Variants in AGBL4 observed in about 807,000 individuals in gnomAD.
AGBL4 encodes cytosolic carboxypeptidase 6.
AGBL4 carries 58 observed loss-of-function variants against 66.4 expected under a neutral mutation model. That is an observed-to-expected ratio of 0.87 (90% CI 0.71 to 1.09). The LOEUF is 1.09. Ranked by LOEUF, AGBL4 falls within the 50% of genes least tolerant of loss-of-function variation. The pLI, the probability that AGBL4 is intolerant of heterozygous loss-of-function variation, is 0.00. For synonymous variants in AGBL4, 234 were observed against 222.9 expected (o/e 1.05, Z -0.44); for missense variants, 579 against 631.0 (o/e 0.92, Z 0.88).
At position 48,623,604 on chromosome 1, in the gene AGBL4, T is replaced by G. The variant is rs546908199; in HGVS notation, c.951+10889A>C. The stretch of plus-strand genomic sequence containing the variant: ...TTCTGAAGTGCAATATGCTATTTGA[T>G]GTACCACAGTGAATTTGTCTTGGGC... On this transcript the variant is annotated intron_variant, in intron 9 of 13. Coordinates refer to ENST00000371839, the MANE Select transcript of AGBL4 (RefSeq NM_032785.4). Among the ~76,000 whole-genome samples, 9 of 152,388 alleles carry G rather than the reference T, an allele frequency of 5.9e-5. No individual in the cohort carries two copies. In the South Asian group the frequency reaches 1.9e-3, roughly 32 times the overall value.
At chr1:49,235,393 T>G (rs752341287) in intron 4 of AGBL4, among the ~76,000 whole-genome samples, 9 of 152,244 alleles carry the variant, frequency 5.9e-5, no homozygotes, top group Admixed American at 3.3e-4. Context: ...GACCATTTGA[T>G]GGCAAAGTCA....
intron 3 of AGBL4, among the ~76,000 whole-genome samples, chr1:49,352,135 AG>A (rs1643922757): frequency 6.6e-6 from 1 of 152,138 alleles, no homozygotes; most frequent in Admixed American, 6.5e-5. Flanking sequence ...CACCCATTCC[AG>A]GAGGTCTTCA....
chr1:49,705,737 G>GTT (rs569805129), intron 2 of AGBL4, among the ~76,000 whole-genome samples: 1 of 147,534 alleles, frequency 6.8e-6, no homozygotes, highest in South Asian at 2.2e-4. Context: ...TTTATTGAGT[G>GTT]TTTTTTTTTT....
intron 2 of AGBL4, among the ~76,000 whole-genome samples, chr1:49,722,673 T>TGA (rs1648700624): frequency 6.6e-6 from 1 of 152,150 alleles, no homozygotes; most frequent in Non-Finnish European, 1.5e-5. Context: ...GATTTTACAT[T>TGA]GATTGAATGG....
intron 2 of AGBL4, among the ~76,000 whole-genome samples, chr1:49,791,940 T>C (rs1279797570): frequency 2.6e-5 from 4 of 152,108 alleles, no homozygotes; most frequent in Non-Finnish European, 4.4e-5. Context: ...CCTAGCATTA[T>C]GTCTGAAATA....
intron 6 of AGBL4, among the ~76,000 whole-genome samples, chr1:48,689,421 CTTCCTTTCTTCT>C (rs1646591376): frequency 6.7e-6 from 1 of 149,930 alleles, no homozygotes; most frequent in African/African-American, 2.5e-5. Context: ...TCCTTCCTTC[CTTCCTTTCTTCT>C]TTCCTTCCCT....
At chr1:49,817,351 G>T (rs968814018) in intron 2 of AGBL4, among the ~76,000 whole-genome samples, 3 of 152,188 alleles carry the variant, frequency 2.0e-5, no homozygotes, top group African/African-American at 7.2e-5. Context: ...CATGGAAGAA[G>T]AGATTGCCTA....
intron 6 of AGBL4, among the ~76,000 whole-genome samples, chr1:48,674,744 G>T (rs1189732787): frequency 6.6e-6 from 1 of 152,090 alleles, no homozygotes; most frequent in East Asian, 1.9e-4. Flanking sequence ...TAATAACGGT[G>T]CTTGTCACAT....
intron 7 of AGBL4, among the ~76,000 whole-genome samples, chr1:48,659,050 C>T (rs1426198786): frequency 2.0e-5 from 3 of 152,174 alleles, no homozygotes; most frequent in African/African-American, 7.2e-5. Flanking sequence ...CCACCACCAA[C>T]TTACCAGGTG....
chr1:49,140,006 C>T (rs892339308), intron 4 of AGBL4, among the ~76,000 whole-genome samples: 8 of 152,118 alleles, frequency 5.3e-5, no homozygotes, highest in African/African-American at 1.9e-4. Context: ...AAATCTGTTT[C>T]TTGAATAAAT....
At chr1:49,628,880 T>A (rs1285317770) in intron 3 of AGBL4, among the ~76,000 whole-genome samples, 1 of 152,200 alleles carries the variant, frequency 6.6e-6, no homozygotes, top group Non-Finnish European at 1.5e-5. Flanking sequence ...CTGCCTGCTA[T>A]GTTCCCGAGG....
chr1:48,970,102 A>T (rs1658784418), intron 5 of AGBL4, among the ~76,000 whole-genome samples: 1 of 152,188 alleles, frequency 6.6e-6, no homozygotes, highest in Non-Finnish European at 1.5e-5. Flanking sequence ...GTGTGACTCC[A>T]TATCCTGTTC....
At chr1:49,258,171 A>C (rs1179239747) in intron 3 of AGBL4, among the ~76,000 whole-genome samples, 2 of 152,196 alleles carry the variant, frequency 1.3e-5, no homozygotes, top group African/African-American at 4.8e-5. Flanking sequence ...ACCATCACCA[A>C]AGACCAAAAG....
intron 3 of AGBL4, among the ~76,000 whole-genome samples, chr1:49,336,892 ATAGTATC>A (rs761149026): frequency 7.9e-5 from 12 of 152,198 alleles, no homozygotes; most frequent in Admixed American, 4.6e-4. Flanking sequence ...AATGAGGATG[ATAGTATC>A]TACCTCATAA....
chr1:49,166,813 A>C (rs1470209867), intron 4 of AGBL4, among the ~76,000 whole-genome samples: 1 of 152,180 alleles, frequency 6.6e-6, no homozygotes, highest in Non-Finnish European at 1.5e-5. Flanking sequence ...TTACACCCAG[A>C]ATCTTAGCCT....
chr1:48,846,409 G>GAAAT (rs1401577936), intron 6 of AGBL4, among the ~76,000 whole-genome samples: 3 of 145,498 alleles, frequency 2.1e-5, no homozygotes, highest in South Asian at 2.1e-4. Context: ...AAGAAAGAAA[G>GAAAT]AAAGAAAGAA....
intron 6 of AGBL4, among the ~76,000 whole-genome samples, chr1:48,828,062 G>T (rs957012806): frequency 6.7e-6 from 1 of 149,208 alleles, no homozygotes; most frequent in Non-Finnish European, 1.5e-5. Context: ...CGGGCATGGT[G>T]GTATGCACCT....
chr1:49,995,308 G>A (rs1025047295), intron 1 of AGBL4: 47 of 454,224 alleles, frequency 1.0e-4, no homozygotes, highest in African/African-American at 8.6e-4. Flanking sequence ...GTGCTATTGG[G>A]GTGCACAGTG....
intron 3 of AGBL4, among the ~76,000 whole-genome samples, chr1:49,307,336 C>CAAAAACA (rs1644865408): frequency 6.6e-6 from 1 of 151,932 alleles, no homozygotes; most frequent in South Asian, 2.1e-4. Context: ...AAAACAAAAA[C>CAAAAACA]AAAAACAAAA....
Sources: allele counts gnomAD v4.1 joint callset (sites outside exome capture counted in the v4.1 genomes callset), GRCh38; gene constraint gnomAD v4.1.1; transcripts MANE v1.5; gene names NCBI Gene and HGNC (gene_info 2026-07-23, HGNC 2026-07-21).